The following GRIK4 variants were observed in gnomAD, a reference collection of about 807,000 sequenced individuals.
GRIK4 encodes the protein glutamate ionotropic receptor kainate type subunit 4, also known as glutamate receptor ionotropic, kainate 4.
A neutral mutation model predicts 104.9 loss-of-function variants in GRIK4; 40 were observed. That is an observed-to-expected ratio of 0.38 (90% CI 0.30 to 0.50). GRIK4 has a LOEUF of 0.50. Among genes scored for constraint, GRIK4 ranks in the 20% least tolerant of loss-of-function variants. The pLI is 0.93. For missense variants in GRIK4, 1,047 were observed against 1,308.1 expected, an observed-to-expected ratio of 0.80 and a Z score of 3.08; for synonymous variants, 485 against 524.9, an observed-to-expected ratio of 0.92 and a Z score of 1.04.
At chr11:120,528,062 C>T (rs1947878887) in intron 1 of GRIK4, among the ~76,000 whole-genome samples, 1 of 152,274 alleles carries the variant, frequency 6.6e-6, no homozygotes, top group Non-Finnish European at 1.5e-5. Context: ...CTCCCGGGCT[C>T]AGCCGGTCCT....
At chr11:120,883,729 TG>T (rs1955034656) in intron 11 of GRIK4, among the ~76,000 whole-genome samples, 1 of 152,252 alleles carries the variant, frequency 6.6e-6, no homozygotes, top group Non-Finnish European at 1.5e-5. Context: ...ATTTTCAAGC[TG>T]GGGGCTGCTT....
At chr11:120,571,854 G>A (rs1274610274) in intron 1 of GRIK4, among the ~76,000 whole-genome samples, 2 of 152,174 alleles carry the variant, frequency 1.3e-5, no homozygotes, top group Non-Finnish European at 2.9e-5. Context: ...CCTACTTGGT[G>A]GTGGGGAACA....
At chr11:120,917,679 T>C (rs1380303008) in intron 13 of GRIK4, among the ~76,000 whole-genome samples, 1 of 152,216 alleles carries the variant, frequency 6.6e-6, no homozygotes, top group African/African-American at 2.4e-5. Flanking sequence ...ATCCCTGTGC[T>C]GGTTATTTTC....
intron 1 of GRIK4, among the ~76,000 whole-genome samples, chr11:120,584,482 G>GA (rs1223079134): frequency 1.3e-5 from 2 of 152,210 alleles, no homozygotes; most frequent in East Asian, 3.8e-4. Context: ...GTTACATGGT[G>GA]AAAGTGGGAG....
intron 20 of GRIK4, among the ~76,000 whole-genome samples, chr11:120,985,428 T>G (rs1944725885): frequency 6.6e-6 from 1 of 152,140 alleles, no homozygotes; most frequent in Admixed American, 6.5e-5. Flanking sequence ...CTAAAAGAAA[T>G]AAGAATCCTT....
intron 1 of GRIK4, among the ~76,000 whole-genome samples, chr11:120,528,382 A>G (rs559960086): frequency 6.6e-6 from 1 of 152,316 alleles, no homozygotes; most frequent in Non-Finnish European, 1.5e-5. Flanking sequence ...AAGTGCTGGG[A>G]TTACAGGCAT....
At chr11:120,527,821 C>G (rs114607378) in intron 1 of GRIK4, among the ~76,000 whole-genome samples, 11 of 152,194 alleles carry the variant, frequency 7.2e-5, no homozygotes, top group Non-Finnish European at 1.2e-4. Flanking sequence ...TGGTCCCACT[C>G]ACGGGTGGAG....
chr11:120,649,509 C>A (rs2000873), intron 1 of GRIK4, among the ~76,000 whole-genome samples: 100,326 of 151,970 alleles, frequency 0.66, 33,136 homozygotes, highest in Non-Finnish European at 0.67. Flanking sequence ...CACGAACAGC[C>A]GTTCCAGTGC....
At chr11:120,780,744 T>A (rs1373988739) in intron 3 of GRIK4, among the ~76,000 whole-genome samples, 2 of 152,168 alleles carry the variant, frequency 1.3e-5, no homozygotes, top group Non-Finnish European at 2.9e-5. Context: ...TTGTTGTTTT[T>A]TTTGTTTTGT....
chr11:120,564,443 A>G (rs1456007638), intron 1 of GRIK4: 2 of 152,146 alleles, frequency 1.3e-5, no homozygotes, highest in African/African-American at 4.8e-5. Context: ...TCCTTTCCCG[A>G]TTCCCCGACG....
chr11:120,870,294 G>A (rs1026645820), intron 9 of GRIK4: 1 of 152,244 alleles, frequency 6.6e-6, no homozygotes, highest in Admixed American at 6.5e-5. Context: ...GGAAGAAGGG[G>A]AGAATGGGTG....
At chr11:120,791,615 A>G (rs544221147) in intron 3 of GRIK4, among the ~76,000 whole-genome samples, 1 of 152,292 alleles carries the variant, frequency 6.6e-6, no homozygotes, top group African/African-American at 2.4e-5. Context: ...GATGACGTCT[A>G]CTTTACCAAT....
At chr11:120,910,413 G>A (rs1942965304) in intron 13 of GRIK4, among the ~76,000 whole-genome samples, 4 of 152,200 alleles carry the variant, frequency 2.6e-5, no homozygotes, top group Admixed American at 2.6e-4. Context: ...CAGTTGGGTG[G>A]CCTCTCACCC....
chr11:120,829,514 G>T (rs1487838379), intron 6 of GRIK4, among the ~76,000 whole-genome samples: 1 of 152,154 alleles, frequency 6.6e-6, no homozygotes, highest in Non-Finnish European at 1.5e-5. Flanking sequence ...TCTGCCTGGT[G>T]TCCTGTCTGC....
At chr11:120,688,022 C>G (rs987940249) in intron 3 of GRIK4, among the ~76,000 whole-genome samples, 1 of 152,210 alleles carries the variant, frequency 6.6e-6, no homozygotes. Context: ...TTTTCTCTCT[C>G]TAGTCCCAAG....
intron 1 of GRIK4, among the ~76,000 whole-genome samples, chr11:120,586,758 C>G (rs1338394747): frequency 1.3e-5 from 2 of 152,136 alleles, no homozygotes; most frequent in African/African-American, 4.8e-5. Flanking sequence ...ATGTTTGTCC[C>G]TAGGGATCCC....
intron 19 of GRIK4, among the ~76,000 whole-genome samples, chr11:120,970,302 CA>C (rs758242882): frequency 2.0e-5 from 3 of 152,116 alleles, no homozygotes; most frequent in Non-Finnish European, 2.9e-5. Flanking sequence ...CAGGAGTGGC[CA>C]GGGGCAGTGC....
intron 2 of GRIK4, among the ~76,000 whole-genome samples, chr11:120,655,786 T>C (rs1050416067): frequency 1.3e-5 from 2 of 152,134 alleles, no homozygotes; most frequent in African/African-American, 4.8e-5. Flanking sequence ...CCTTGTGGCT[T>C]GGGTGACTGG....
chr11:120,914,205 A>G (rs1193279992), intron 13 of GRIK4, among the ~76,000 whole-genome samples: 1 of 152,216 alleles, frequency 6.6e-6, no homozygotes, highest in East Asian at 1.9e-4. Context: ...TTCAGGATCT[A>G]CTCAAAGAGA....
Sources: allele counts gnomAD v4.1 joint callset (sites outside exome capture counted in the v4.1 genomes callset), GRCh38; gene constraint gnomAD v4.1.1; transcripts MANE v1.5; gene names NCBI Gene and HGNC (gene_info 2026-07-23, HGNC 2026-07-21).